Variants in ENTPD5 observed in about 807,000 individuals in gnomAD.
ENTPD5 encodes the protein nucleoside diphosphate phosphatase ENTPD5.
Under a neutral mutation model 60.2 loss-of-function variants are expected in ENTPD5, and 49 were observed. The ratio of observed to expected loss-of-function variants is 0.81; its 90% CI spans 0.65 to 1.03. The LOEUF is 1.03. Ranked by LOEUF, ENTPD5 falls within the 50% of genes least tolerant of loss-of-function variation. The pLI is 0.00. For synonymous variants in ENTPD5, 187 were observed against 185.4 expected (o/e 1.01, Z -0.07); for missense variants, 480 against 507.6 (o/e 0.95, Z 0.52).
At chr14:74,017,514 G>A (rs1159177871) in intron 1 of ENTPD5, among the ~76,000 whole-genome samples, 1 of 151,430 alleles carries the variant, frequency 6.6e-6, no homozygotes, top group Non-Finnish European at 1.5e-5. Context: ...GGAGGTGGAG[G>A]TTGCGGTGAG....
At chr14:74,002,130 T>G (rs1384662187) in intron 3 of ENTPD5, among the ~76,000 whole-genome samples, 8 of 152,188 alleles carry the variant, frequency 5.3e-5, no homozygotes, top group Admixed American at 5.2e-4. Context: ...GTGCTATTAT[T>G]AAGATTCCCA....
downstream of ENTPD5, chr14:73,955,500 G>A (rs2056391224): frequency 6.2e-7 from 1 of 1,614,012 alleles, no homozygotes; most frequent in East Asian, 2.2e-5. Context: ...GAGCCTTTCG[G>A]CGAATGCAGG....
intron 7 of ENTPD5, 111 bp from the exon 8 acceptor site, chr14:73,977,170 C>T (rs2057479616): frequency 1.6e-6 from 2 of 1,248,122 alleles, no homozygotes; most frequent in Non-Finnish European, 1.2e-6. Context: ...AGCACATGTT[C>T]CCTTCTCCCT....
In ENTPD5 at chr14:73,964,815, C is replaced by T. The variant is rs2056907105; in HGVS notation, c.*2113G>A. 1 of 152,140 alleles carries T rather than the reference C, an allele frequency of 6.6e-6. No individual in the cohort carries two copies. The highest frequency in any genetic ancestry group is 1.5e-5 in the Non-Finnish European group (1 of 68,032). The allele number at this position is 152,140 out of a possible 1,614,324, so 9.4% of individuals were successfully genotyped here. On this transcript the variant is annotated 3_prime_UTR_variant, in exon 16 of 16. Transcript: ENST00000334696. The stretch of plus-strand genomic sequence containing the variant: ...TTTGGAAGGAGAGATTAGAGCAGAA[C>T]TAAGACCACTTAGAAGATAGGTAGA...
At chr14:73,976,154 G>C in intron 9 of ENTPD5, 139 bp from the exon 10 acceptor site, 3 of 858,482 alleles carry the variant, frequency 3.5e-6, no homozygotes, top group Middle Eastern at 2.2e-4. Flanking sequence ...TTGAGGAAAC[G>C]AAGGGATTCT....
intron 3 of ENTPD5, chr14:74,007,952 T>G (rs904143326): frequency 1.1e-4 from 17 of 151,080 alleles, no homozygotes; most frequent in Admixed American, 1.1e-3. Context: ...TGCCTCAGCC[T>G]CTCCAGAAGC....
downstream of ENTPD5, chr14:73,963,145 G>A (rs72627142): frequency 2.7e-6 from 2 of 754,664 alleles, no homozygotes; most frequent in African/African-American, 3.5e-5. Flanking sequence ...ATGGGCCTGT[G>A]GCACCCAAAT....
intron 2 of ENTPD5, among the ~76,000 whole-genome samples, chr14:74,014,547 T>C (rs534272837): frequency 6.6e-6 from 1 of 152,274 alleles, no homozygotes; most frequent in Non-Finnish European, 1.5e-5. Context: ...TGAGACCCTG[T>C]CATTCATTAA....
rs2058363963 is a variant in ENTPD5 at position 73,997,140 on chromosome 14, A to G, written c.-70-8968T>C. On this transcript the variant is annotated intron_variant, in intron 3 of 15. Coordinates refer to ENST00000334696, the MANE Select transcript of ENTPD5 (RefSeq NM_001249.5). ...TGAGAGGTAGGAATTATCCTGGGAA[A>G]ATGACACAAGGAGGATTCTGAGAAC... is the stretch of plus-strand genomic sequence containing the variant. 2.0e-5 allele frequency among the ~76,000 whole-genome samples: 3 copies of G among 152,122 alleles called. No individual in the cohort carries two copies. In the South Asian group the frequency reaches 6.2e-4, roughly 32 times the overall value.
In ENTPD5 at chr14:73,966,996, T is replaced by C; in HGVS notation, c.1219A>G (p.Asn407Asp). The C allele has an allele frequency of 6.2e-7, 1 of 1,614,192 alleles. No individual in the cohort carries two copies. The highest frequency in any genetic ancestry group is 8.5e-7 in the Non-Finnish European group (1 of 1,179,996). ...CCCAAGGCCCAGCCCGTCTCTATGTTGTTCACTTTCTTTGTGAGCTGTTGA... is the reference window on the plus strand; with the variant it reads ...CCCAAGGCCCAGCCCGTCTCTATGTCGTTCACTTTCTTTGTGAGCTGTTGA... Reference protein sequence around the residue: ...TVLQLTKKVNNIETGWALGAT... With the variant: ...TVLQLTKKVNDIETGWALGAT... The change falls in exon 16 of 16, where the codon AAC becomes GAC. Residue 407 changes from asparagine to aspartate, a missense_variant. Asn to Asp is a conservative substitution (Grantham distance 23). Transcript: ENST00000334696.
At chr14:73,992,099 G>A (rs959125679) in intron 3 of ENTPD5, among the ~76,000 whole-genome samples, 9 of 151,794 alleles carry the variant, frequency 5.9e-5, no homozygotes, top group African/African-American at 1.9e-4. Context: ...GAATAATGCC[G>A]TATCTATCCT....
chr14:73,968,253 G>A (rs2057069086), intron 15 of ENTPD5, among the ~76,000 whole-genome samples: 1 of 152,120 alleles, frequency 6.6e-6, no homozygotes, highest in Admixed American at 6.6e-5. Flanking sequence ...TATAAGAAGA[G>A]GATTAGATTA....
chr14:73,991,991 C>A lies in ENTPD5; in HGVS notation c.-70-3819G>T, dbSNP rs926421233. Among the ~76,000 whole-genome samples, 10 of 150,920 alleles carry A rather than the reference C, an allele frequency of 6.6e-5. 1 individual carries two copies. In the Middle Eastern group the frequency reaches 0.017, roughly 262 times the overall value. On this transcript the variant is annotated intron_variant, in intron 3 of 15. Coordinates refer to ENST00000334696, the MANE Select transcript of ENTPD5 (RefSeq NM_001249.5). ...TCCAGCGTGGGCAACAAGAGCGAAA[C>A]TCCGTCTCACAAAAAAAAAGTATAT...
At chr14:74,006,314 C>T (rs11621860) in intron 3 of ENTPD5, among the ~76,000 whole-genome samples, 43,542 of 143,622 alleles carry the variant, frequency 0.3, 8,434 homozygotes, top group Non-Finnish European at 0.42. Context: ...GACGGAGTCT[C>T]GCTCTGCTGC....
intron 6 of ENTPD5, among the ~76,000 whole-genome samples, chr14:73,977,723 C>T (rs2057503043): frequency 6.6e-6 from 1 of 152,188 alleles, no homozygotes; most frequent in Non-Finnish European, 1.5e-5. Context: ...CCTGGACATA[C>T]ACTGGAAACT....
chr14:74,014,823 T>C (rs1283519876), intron 2 of ENTPD5, among the ~76,000 whole-genome samples: 1 of 152,124 alleles, frequency 6.6e-6, no homozygotes, highest in African/African-American at 2.4e-5. Context: ...CTCAAGCCTG[T>C]AATCTCAGCA....
chr14:73,956,963 G>A (rs1201037924), downstream of ENTPD5, among the ~76,000 whole-genome samples: 1 of 152,124 alleles, frequency 6.6e-6, no homozygotes, highest in Admixed American at 6.5e-5. Flanking sequence ...GCATGTACAT[G>A]CATAGGAAAT....
chr14:73,968,257 T>C (rs2057069489), intron 15 of ENTPD5, among the ~76,000 whole-genome samples: 2 of 152,192 alleles, frequency 1.3e-5, no homozygotes, highest in African/African-American at 4.8e-5. Flanking sequence ...AGAAGAGGAT[T>C]AGATTAGTGT....
chr14:73,979,256 C>A (rs1361368778), intron 6 of ENTPD5, among the ~76,000 whole-genome samples: 1 of 151,614 alleles, frequency 6.6e-6, no homozygotes, highest in East Asian at 1.9e-4. Flanking sequence ...CCCACACTAT[C>A]AACAGATTCC....
Sources: gnomAD v4.1 joint callset for allele counts (sites outside exome capture counted in the v4.1 genomes callset) on GRCh38, gnomAD v4.1.1 for gene constraint, MANE v1.5 for transcripts, NCBI Gene and HGNC (gene_info 2026-07-23, HGNC 2026-07-21) for gene names.